MAIP1: variants seen among roughly 807,000 people sequenced by gnomAD.
MAIP1 encodes matrix AAA peptidase interacting protein 1, also known as m-AAA protease-interacting protein 1, mitochondrial.
MAIP1 carries 28 observed loss-of-function variants against 31.2 expected under a neutral mutation model. That is an observed-to-expected ratio of 0.90 (90% CI 0.67 to 1.23). The LOEUF is 1.23. MAIP1 is among the 50% of genes most tolerant of loss of function. MAIP1 has a pLI of 0.00. For missense variants in MAIP1, 339 were observed against 356.0 expected, an observed-to-expected ratio of 0.95 and a Z score of 0.38; for synonymous variants, 142 against 142.3, an observed-to-expected ratio of 1.00 and a Z score of 0.02.
At chr2:199,956,784 C>G (rs2077608262) in intron 1 of MAIP1, among the ~76,000 whole-genome samples, 1 of 152,182 alleles carries the variant, frequency 6.6e-6, no homozygotes, top group Non-Finnish European at 1.5e-5. Context: ...CAGAGCCGAC[C>G]AATACACCAC....
chr2:199,962,044 T>C (rs1195600187), intron 4 of MAIP1, 116 bp downstream of exon 4: 62 of 976,180 alleles, frequency 6.4e-5, no homozygotes, highest in Non-Finnish European at 5.4e-5. Context: ...AAGTTATTTA[T>C]GAAGAGAAAA....
intron 4 of MAIP1, 143 bp from the exon 5 acceptor site, chr2:199,963,590 T>G: frequency 2.1e-6 from 1 of 480,928 alleles, no homozygotes; most frequent in Non-Finnish European, 3.7e-6. Flanking sequence ...AGGTTAAACT[T>G]TTTTTTGTTT....
intron 2 of MAIP1, among the ~76,000 whole-genome samples, 166 bp downstream of exon 2, chr2:199,959,505 A>G (rs2077624970): frequency 6.6e-6 from 1 of 152,196 alleles, no homozygotes; most frequent in Non-Finnish European, 1.5e-5. Context: ...AAAGCATGGA[A>G]TAACTCCTGC....
intron 1 of MAIP1, among the ~76,000 whole-genome samples, chr2:199,956,656 G>T (rs934575057): frequency 6.6e-6 from 1 of 152,234 alleles, no homozygotes; most frequent in African/African-American, 2.4e-5. Flanking sequence ...GGCACTCCAT[G>T]AATGTTTGCT....
In MAIP1 at chr2:199,959,801, T is replaced by A. The variant is rs755678591; in HGVS notation, c.570T>A (p.His190Gln). 7 of 1,612,626 alleles carry A rather than the reference T, an allele frequency of 4.3e-6. No homozygotes were observed. The Admixed American group carries it at 1.2e-4, about 27-fold the overall frequency. Residue 190 changes from histidine to glutamine, a missense_variant, in exon 3 of 5, where the codon CAT (histidine) becomes CAA (glutamine). His to Gln is a conservative substitution (Grantham distance 24, BLOSUM62 0). Transcript: ENST00000392290. ...KEKVTSLPDN[H>Q]KNALAANIDE... ...AGGTTACTTCACTACCTGACAACCA[T>A]AAAAATGCCCTTGCTGCTAACATAG... is the stretch of plus-strand genomic sequence containing the variant.
chr2:199,960,514 A>AT (rs199532108), intron 3 of MAIP1, among the ~76,000 whole-genome samples: 6 of 152,218 alleles, frequency 3.9e-5, no homozygotes, highest in East Asian at 1.9e-4. Flanking sequence ...GGTAAAAAAT[A>AT]TTAAAAAAAA....
intron 1 of MAIP1, among the ~76,000 whole-genome samples, chr2:199,958,194 G>T (rs2077617977): frequency 6.6e-6 from 1 of 152,166 alleles, no homozygotes; most frequent in Admixed American, 6.5e-5. Flanking sequence ...CCGTCTTCTT[G>T]CTGTGTCCTT....
intron 4 of MAIP1, among the ~76,000 whole-genome samples, chr2:199,962,449 T>C (rs930355825): frequency 6.6e-6 from 1 of 152,182 alleles, no homozygotes; most frequent in Non-Finnish European, 1.5e-5. Flanking sequence ...AGTGGTTGAA[T>C]TCTAGGAGGC....
At chr2:199,957,818 C>G (rs2105724646) in intron 1 of MAIP1, among the ~76,000 whole-genome samples, 1 of 152,330 alleles carries the variant, frequency 6.6e-6, no homozygotes, top group East Asian at 1.9e-4. Flanking sequence ...TCCTACTGTT[C>G]TGTACAATGC....
In MAIP1 at chr2:199,956,196, C is replaced by T. The variant is rs755495820; in HGVS notation, c.398C>T (p.Ala133Val). 5.0e-6 allele frequency: 8 copies of T among 1,614,054 alleles called. No homozygotes were observed. Among genetic ancestry groups the T allele is most frequent in the Non-Finnish European group, 5.9e-6 (7 of 1,179,958 alleles). ...RTRIKAFLIWAYFDKEFSITE... is the reference protein window; with the variant it reads ...RTRIKAFLIWVYFDKEFSITE... ...CGAATTAAGGCCTTCCTTATCTGGG[C>T]CTATTTCGACAAAGAGTTCAGCATC... The change falls in exon 1 of 5, where the codon GCC (alanine) becomes GTC (valine). Residue 133 changes from alanine (A) to valine (V), a missense_variant. Ala to Val is a moderately conservative substitution (Grantham distance 64). Coordinates refer to ENST00000392290, the MANE Select transcript of MAIP1 (RefSeq NM_001394955.1).
In MAIP1 at chr2:199,955,785, G is replaced by A. The variant is rs755076291; in HGVS notation, c.-14G>A. The A allele has an allele frequency of 6.6e-6, 10 of 1,515,512 alleles. No homozygotes were observed. The highest frequency in any genetic ancestry group is 7.1e-6 in the Non-Finnish European group (8 of 1,134,176). The allele number at this position is 1,515,512 out of a possible 1,614,324, so 93.9% of individuals were successfully genotyped here. A position where few individuals can be genotyped will look rare whatever the true frequency, so the allele number is the denominator to read the frequency against. Reference sequence around the variant, plus strand: ...ATACAGCACCGGCAGGCACCGGTGTGAAGGGTCATAAAAATGGCGCTGGCC... The same window carrying A: ...ATACAGCACCGGCAGGCACCGGTGTAAAGGGTCATAAAAATGGCGCTGGCC... On this transcript the variant is annotated 5_prime_UTR_variant, in exon 1 of 5. Transcript: ENST00000392290.
At chr2:199,955,566 G>C, upstream of MAIP1, 1 of 1,472,120 alleles carries the variant, frequency 6.8e-7, no homozygotes, top group Non-Finnish European at 9.2e-7. Context: ...ACAGAGAAAA[G>C]GTCCGCGAGG....
chr2:199,961,866 A>T lies in MAIP1; in HGVS notation c.735A>T (p.Val245=). 1 of 1,614,040 alleles carries T rather than the reference A, an allele frequency of 6.2e-7. No individual in the cohort carries two copies. The highest frequency in any genetic ancestry group is 8.5e-7 in the Non-Finnish European group (1 of 1,179,924). ...GTGAAACTTTAAGAGGAGCCAGTGT[A>T]TTCCAGGTTAAGTTGGGGAATCAGA... ...IPSETLRGAS[V]FQVKLGNQNV... The change falls in exon 4 of 5, where the codon GTA becomes GTT. Residue 245 remains valine, a synonymous_variant. Coordinates refer to ENST00000392290, the MANE Select transcript of MAIP1 (RefSeq NM_001394955.1).
At chr2:199,962,200 A>G (rs530233943) in intron 4 of MAIP1, among the ~76,000 whole-genome samples, 1 of 152,312 alleles carries the variant, frequency 6.6e-6, no homozygotes, top group African/African-American at 2.4e-5. Context: ...ACAGCCATTG[A>G]CTTTGCCTGC....
At chr2:199,955,325 G>A, upstream of MAIP1, 1 of 1,554,714 alleles carries the variant, frequency 6.4e-7, no homozygotes, top group Non-Finnish European at 8.7e-7. Flanking sequence ...CCAGTTCCCA[G>A]CTGTCCGAAA....
intron 4 of MAIP1, among the ~76,000 whole-genome samples, chr2:199,962,161 C>T (rs2077640199): frequency 6.6e-6 from 1 of 152,216 alleles, no homozygotes. Flanking sequence ...TGCTGCTTAA[C>T]AAACTACCCC....
At chr2:199,958,808 CCA>C (rs1242324279) in intron 1 of MAIP1, among the ~76,000 whole-genome samples, 2 of 152,148 alleles carry the variant, frequency 1.3e-5, no homozygotes, top group South Asian at 4.1e-4. Flanking sequence ...ACCTTCTCTC[CCA>C]CTTTCCCAAA....
chr2:199,959,821 A>C lies in MAIP1; in HGVS notation c.590A>C (p.Asn197Thr). The C allele has an allele frequency of 6.2e-7, 1 of 1,611,970 alleles. No homozygotes were observed. The highest frequency in any genetic ancestry group is 8.5e-7 in the Non-Finnish European group (1 of 1,178,532). Residue 197 changes from asparagine (N) to threonine (T), a missense_variant, in exon 3 of 5, where the codon AAC becomes ACC. Asn to Thr is a moderately conservative substitution (Grantham distance 65). Coordinates refer to ENST00000392290, the MANE Select transcript of MAIP1 (RefSeq NM_001394955.1). ...AACCATAAAAATGCCCTTGCTGCTA[A>C]CATAGATGAAATTGTATTTACATCA... ...PDNHKNALAANIDEIVFTSTG... is the reference protein window; with the variant it reads ...PDNHKNALAATIDEIVFTSTG...
intron 4 of MAIP1, 38 bp from the exon 5 acceptor site, chr2:199,963,695 T>C: frequency 8.0e-7 from 1 of 1,256,002 alleles, no homozygotes; most frequent in East Asian, 2.3e-5. Context: ...ATACTTGGAC[T>C]GATGTAAGAT....
Sources: gnomAD v4.1 joint callset for allele counts (sites outside exome capture counted in the v4.1 genomes callset) on GRCh38, gnomAD v4.1.1 for gene constraint, MANE v1.5 for transcripts, NCBI Gene and HGNC (gene_info 2026-07-23, HGNC 2026-07-21) for gene names.